PSMD14: variants seen among roughly 807,000 people sequenced by gnomAD.
PSMD14 encodes proteasome 26S subunit, non-ATPase 14.
A neutral mutation model predicts 41.2 loss-of-function variants in PSMD14; 7 were observed. The ratio of observed to expected loss-of-function variants is 0.17; its 90% confidence interval spans 0.10 to 0.32. PSMD14 has a LOEUF of 0.32. Ranked by LOEUF, PSMD14 falls within the 10% of genes least tolerant of loss-of-function variation. PSMD14 has a pLI of 1.00. For synonymous variants in PSMD14, 114 were observed against 122.3 expected (o/e 0.93, Z 0.45); for missense variants, 139 against 375.6 (o/e 0.37, Z 5.21).
chr2:161,331,667 G>C lies in PSMD14; in HGVS notation c.48+12794G>C, dbSNP rs191315938. Among the ~76,000 whole-genome samples the C allele has an allele frequency of 2.0e-5, 3 of 152,282 alleles. 1 individual carries two copies. The East Asian group carries it at 5.8e-4, about 29-fold the overall frequency. ...ATATAGGGAGACAGTCAGATACTGT[G>C]AATAGGGAATGTCATTGTAACATCT... On this transcript the variant is annotated intron_variant, in intron 3 of 11. Coordinates refer to ENST00000409682, the MANE Select transcript of PSMD14 (RefSeq NM_005805.6).
chr2:161,396,302 A>G (rs1683793520), intron 10 of PSMD14, among the ~76,000 whole-genome samples: 1 of 152,238 alleles, frequency 6.6e-6, no homozygotes, highest in Non-Finnish European at 1.5e-5. Context: ...AAATGAAATC[A>G]GTACGTTGAA....
chr2:161,408,756 A>G, intron 10 of PSMD14, 81 bp from the exon 11 acceptor site: 1 of 1,019,542 alleles, frequency 9.8e-7, no homozygotes, highest in Non-Finnish European at 1.5e-6. Flanking sequence ...AATTCTGGTC[A>G]TCATTATTTT....
At chr2:161,309,676 G>T (rs1244605203) in intron 1 of PSMD14, among the ~76,000 whole-genome samples, 1 of 152,200 alleles carries the variant, frequency 6.6e-6, no homozygotes, top group Non-Finnish European at 1.5e-5. Flanking sequence ...TACAGTTAAG[G>T]TGTGTTTAGT....
chr2:161,393,996 A>AT (rs1683755880), intron 9 of PSMD14, among the ~76,000 whole-genome samples: 2 of 58,194 alleles, frequency 3.4e-5, no homozygotes, highest in Admixed American at 2.6e-4. Context: ...TTTTTTTTGG[A>AT]GTCTCACTCT....
chr2:161,342,486 C>A (rs1165864407), intron 3 of PSMD14, among the ~76,000 whole-genome samples: 1 of 152,026 alleles, frequency 6.6e-6, no homozygotes, highest in Non-Finnish European at 1.5e-5. Context: ...ATAATATAGG[C>A]GTTCAGCTTT....
intron 3 of PSMD14, among the ~76,000 whole-genome samples, chr2:161,357,137 AC>A (rs1248724033): frequency 7.1e-6 from 1 of 141,054 alleles, no homozygotes; most frequent in Non-Finnish European, 1.5e-5. Context: ...AGGTTTTTAT[AC>A]TGGATCAGAT....
intron 3 of PSMD14, among the ~76,000 whole-genome samples, chr2:161,343,827 C>CA (rs35338761): frequency 3.1e-4 from 46 of 148,102 alleles, no homozygotes; most frequent in Non-Finnish European, 1.9e-4. Flanking sequence ...TACTCTGTCT[C>CA]AAAAAAAAAA....
chr2:161,320,578 A>G (rs930656478), intron 3 of PSMD14, among the ~76,000 whole-genome samples: 3 of 152,064 alleles, frequency 2.0e-5, no homozygotes, highest in Non-Finnish European at 2.9e-5. Context: ...CCCTTATCCT[A>G]TACTAGGTGT....
chr2:161,374,170 T>G (rs1683474904), intron 7 of PSMD14, among the ~76,000 whole-genome samples: 1 of 151,904 alleles, frequency 6.6e-6, no homozygotes, highest in Non-Finnish European at 1.5e-5. Context: ...GAATGCAAAA[T>G]GAATACCAGA....
chr2:161,398,539 T>C (rs1270692570), intron 10 of PSMD14, among the ~76,000 whole-genome samples: 1 of 148,570 alleles, frequency 6.7e-6, no homozygotes, highest in African/African-American at 2.6e-5. Flanking sequence ...GCATCTGCTA[T>C]TTTTTTTTAA....
chr2:161,364,606 G>T (rs1349485482), intron 3 of PSMD14, among the ~76,000 whole-genome samples: 1 of 151,964 alleles, frequency 6.6e-6, no homozygotes, highest in African/African-American at 2.4e-5. Context: ...CTGTTGCCTG[G>T]TTTTTGCTAT....
intron 3 of PSMD14, among the ~76,000 whole-genome samples, chr2:161,338,705 G>A (rs892531600): frequency 3.3e-5 from 5 of 152,100 alleles, no homozygotes; most frequent in Admixed American, 3.3e-4. Flanking sequence ...TGTATAATTT[G>A]TTAAGTTTTG....
At chr2:161,404,155 CT>C (rs1168314658) in intron 10 of PSMD14, among the ~76,000 whole-genome samples, 2 of 152,048 alleles carry the variant, frequency 1.3e-5, no homozygotes, top group African/African-American at 4.8e-5. Context: ...ATGCTTCCCC[CT>C]CAGCCTCCTG....
intron 3 of PSMD14, among the ~76,000 whole-genome samples, chr2:161,339,584 G>C (rs1682920112): frequency 1.3e-5 from 2 of 150,562 alleles, no homozygotes; most frequent in Admixed American, 6.6e-5. Context: ...GCCATGAGGA[G>C]TACATGAGGT....
chr2:161,355,843 T>G (rs1003762829), intron 3 of PSMD14, among the ~76,000 whole-genome samples: 4 of 152,194 alleles, frequency 2.6e-5, no homozygotes, highest in African/African-American at 9.7e-5. Flanking sequence ...CAAACAGAAA[T>G]GTAAATGGAA....
chr2:161,330,182 T>C (rs1682765322), intron 3 of PSMD14, among the ~76,000 whole-genome samples: 1 of 152,164 alleles, frequency 6.6e-6, no homozygotes, highest in East Asian at 1.9e-4. Flanking sequence ...ATTAGTGACA[T>C]TCTGATGAAA....
At chr2:161,341,100 T>A (rs1682950579) in intron 3 of PSMD14, 21 of 1,471,696 alleles carry the variant, frequency 1.4e-5, no homozygotes, top group Non-Finnish European at 1.9e-5. Flanking sequence ...CCCCGCGGGC[T>A]CTCCAGGCTC....
intron 6 of PSMD14, 148 bp downstream of exon 6, chr2:161,370,325 C>T: frequency 1.6e-6 from 1 of 620,624 alleles, no homozygotes; most frequent in South Asian, 2.3e-5. Context: ...GTGCCATGCA[C>T]CACCTGTCTA....
At chr2:161,385,349 G>A (rs1244290676) in intron 7 of PSMD14, 115 bp from the exon 8 acceptor site, 1 of 455,924 alleles carries the variant, frequency 2.2e-6, no homozygotes, top group Non-Finnish European at 3.8e-6. Context: ...ATAATTAAAT[G>A]ATTTTCTGGA....
Sources: allele counts gnomAD v4.1 joint callset (sites outside exome capture counted in the v4.1 genomes callset), GRCh38; gene constraint gnomAD v4.1.1; transcripts MANE v1.5; gene names NCBI Gene and HGNC (gene_info 2026-07-23, HGNC 2026-07-21).